Variants in JAKMIP1 observed in about 807,000 individuals in gnomAD.
The protein encoded by JAKMIP1 is janus kinase and microtubule interacting protein 1, also known as janus kinase and microtubule-interacting protein 1.
Under a neutral mutation model 113.0 loss-of-function variants are expected in JAKMIP1, and 33 were observed. The ratio of observed to expected loss-of-function variants is 0.29; its 90% CI spans 0.22 to 0.39. JAKMIP1 has a LOEUF of 0.39. Ranked by LOEUF, JAKMIP1 falls within the 10% of genes least tolerant of loss-of-function variation. The probability of loss-of-function intolerance (pLI) is 1.00; values close to 1 mark genes in which losing one functional copy is unlikely to be tolerated. For synonymous variants in JAKMIP1, 480 were observed against 459.9 expected (o/e 1.04, Z -0.56); for missense variants, 813 against 1,080.5 (o/e 0.75, Z 3.47).
intron 1 of JAKMIP1, among the ~76,000 whole-genome samples, chr4:6,146,849 C>G (rs1434780360): frequency 1.3e-5 from 2 of 152,186 alleles, no homozygotes; most frequent in Non-Finnish European, 2.9e-5. Flanking sequence ...CTACCGTACA[C>G]TTGAGGTGAC....
intron 2 of JAKMIP1, among the ~76,000 whole-genome samples, chr4:6,107,763 G>GTC (rs1474169638): frequency 6.6e-6 from 1 of 152,130 alleles, no homozygotes; most frequent in African/African-American, 2.4e-5. Flanking sequence ...GGGGGTGTGT[G>GTC]TGTGTGTGTC....
At chr4:6,173,660 A>G (rs929924241) in intron 1 of JAKMIP1, among the ~76,000 whole-genome samples, 5 of 152,164 alleles carry the variant, frequency 3.3e-5, no homozygotes, top group Non-Finnish European at 7.4e-5. Context: ...CCATTTTTCT[A>G]TCTATAAGGA....
At chr4:6,078,788 G>T (rs1386651907) in intron 8 of JAKMIP1, 151 bp downstream of exon 8, 5 of 672,856 alleles carry the variant, frequency 7.4e-6, no homozygotes, top group Non-Finnish European at 1.3e-5. Context: ...TTTGAGAGAC[G>T]GTGATGACAG....
In JAKMIP1 at chr4:6,185,524, T is replaced by A. The variant is rs544284232; in HGVS notation, c.-148+14729A>T. On this transcript the variant is annotated intron_variant, in intron 1 of 20. Coordinates refer to ENST00000409021, the MANE Select transcript of JAKMIP1 (RefSeq NM_001099433.2). This position sits in a 1 kb window ranked among gnomAD's most constrained non-coding sequence, Gnocchi z 5.3. ...TTAGCCGGGCGTGGTGGCAGACGCC[T>A]GTAGTCCCAGCTACTTGGGAGGCTG... 7.2e-5 allele frequency among the ~76,000 whole-genome samples: 11 copies of A among 152,342 alleles called. No individual in the cohort carries two copies. In the South Asian group the frequency reaches 2.1e-3, roughly 29 times the overall value.
intron 18 of JAKMIP1, among the ~76,000 whole-genome samples, chr4:6,037,817 C>T (rs969652768): frequency 5.8e-5 from 7 of 120,612 alleles, no homozygotes; most frequent in Admixed American, 3.8e-4. Flanking sequence ...AGAGGCTAAC[C>T]GGTAGCCCTC....
chr4:6,026,875 T>TA (rs1220447327), intron 20 of JAKMIP1, among the ~76,000 whole-genome samples: 1 of 150,952 alleles, frequency 6.6e-6, no homozygotes, highest in East Asian at 1.9e-4. Flanking sequence ...CATTTTTTTT[T>TA]TTTTTTTTTT....
rs2109033122 is a variant in JAKMIP1 at position 6,176,990 on chromosome 4, T to C, written c.-148+23263A>G. On this transcript the variant is annotated intron_variant, in intron 1 of 20. Transcript: ENST00000409021. The surrounding 1 kb of genome is among the most constrained non-coding windows in gnomAD (Gnocchi z 5.5). The stretch of plus-strand genomic sequence containing the variant: ...TGAGGCTGCAGTGAGCCATGATTTG[T>C]GCCACTGCACTCCAGCCTGGGTGAC... 6.6e-6 allele frequency among the ~76,000 whole-genome samples: 1 copy of C among 152,230 alleles called. No homozygotes were observed. Among genetic ancestry groups the C allele is most frequent in the Non-Finnish European group, 1.5e-5 (1 of 68,028 alleles).
intron 3 of JAKMIP1, among the ~76,000 whole-genome samples, chr4:6,101,570 G>A (rs1408739286): frequency 6.6e-6 from 1 of 151,864 alleles, no homozygotes; most frequent in Non-Finnish European, 1.5e-5. Flanking sequence ...TTTAGAATCT[G>A]CTTGCCGATG....
intron 1 of JAKMIP1, among the ~76,000 whole-genome samples, chr4:6,169,987 A>C (rs1441900973): frequency 6.8e-5 from 5 of 73,398 alleles, no homozygotes; most frequent in African/African-American, 2.9e-4. Context: ...CACTACCACC[A>C]CCACCACCAC....
At position 6,044,166 on chromosome 4, in the gene JAKMIP1, C is replaced by T. The variant is rs930277677; in HGVS notation, c.2029-1939G>A. ...CCCATGTCAGTCATCTTGTGAATGCCGGGTCGTAGCACTCACCTGACAGCG... is the reference window on the plus strand; with the variant it reads ...CCCATGTCAGTCATCTTGTGAATGCTGGGTCGTAGCACTCACCTGACAGCG... On this transcript the variant is annotated intron_variant, in intron 16 of 20. Coordinates refer to ENST00000409021, the MANE Select transcript of JAKMIP1 (RefSeq NM_001099433.2). This position sits in a 1 kb window ranked among gnomAD's most constrained non-coding sequence, Gnocchi z 4.4. 7.1e-6 allele frequency among the ~76,000 whole-genome samples: 1 copy of T among 141,272 alleles called. No homozygotes were observed. Among genetic ancestry groups the T allele is most frequent in the Non-Finnish European group, 1.5e-5 (1 of 67,230 alleles). 92.7% of individuals were successfully genotyped at this position (141,272 alleles called of 152,430 possible). A position where few individuals can be genotyped will look rare whatever the true frequency, so the allele number is the denominator to read the frequency against.
At chr4:6,028,270 G>A (rs976243677) in intron 20 of JAKMIP1, among the ~76,000 whole-genome samples, 10 of 152,218 alleles carry the variant, frequency 6.6e-5, no homozygotes, top group South Asian at 2.1e-4. Flanking sequence ...GCTGGTAGGC[G>A]TGGGCATCTG....
intron 19 of JAKMIP1, 40 bp from the exon 20 acceptor site, chr4:6,029,821 T>G: frequency 7.1e-7 from 1 of 1,407,866 alleles, no homozygotes. Flanking sequence ...AAGTAAGTTT[T>G]CCAGGTTTAA....
At chr4:6,036,950 ATCCCTCCATCACC>A (rs879807842) in intron 18 of JAKMIP1, among the ~76,000 whole-genome samples, 8,534 of 148,160 alleles carry the variant, frequency 0.058, 160 homozygotes, top group African/African-American at 0.12. Flanking sequence ...GCTAACCGGT[ATCCCTCCATCACC>A]GAGGCAGAGG....
intron 1 of JAKMIP1, among the ~76,000 whole-genome samples, chr4:6,130,347 C>G (rs1718325945): frequency 1.3e-5 from 2 of 152,250 alleles, no homozygotes. Flanking sequence ...TTGGATCCAT[C>G]AGACAACTGA....
chr4:6,086,317 C>T lies in JAKMIP1; in HGVS notation c.625-688G>A, dbSNP rs561666485. Among the ~76,000 whole-genome samples, 3 of 152,212 alleles carry T rather than the reference C, an allele frequency of 2.0e-5. No individual in the cohort carries two copies. The highest frequency in any genetic ancestry group is 2.1e-4 in the South Asian group (1 of 4,808). On this transcript the variant is annotated intron_variant, in intron 3 of 20. Coordinates refer to ENST00000409021, the MANE Select transcript of JAKMIP1 (RefSeq NM_001099433.2). This position sits in a 1 kb window ranked among gnomAD's most constrained non-coding sequence, Gnocchi z 4.1. The stretch of plus-strand genomic sequence containing the variant: ...CTCTCCCAGGCAGCCAGGTCCTCCC[C>T]GACGGTATCAACCCCACATATGCAG...
Position 6,060,467 on chromosome 4 carries a change from G to T in JAKMIP1, c.1601C>A (p.Ala534Asp). ...QLQADLLRCQ[A>D]KIEDLEKLLV... ...TAACTTCTCCAAATCTTCGATTTTG[G>T]CCTGACACCTCAGCAGATCAGCTTG... is the stretch of plus-strand genomic sequence containing the variant. Residue 534 changes from alanine (A) to aspartate (D), a missense_variant, in exon 11 of 21, where the codon GCC (alanine) becomes GAC (aspartate). Ala to Asp is a moderately radical substitution (Grantham distance 126). Around this residue, in one of 2 missense-constraint regions of JAKMIP1, gnomAD observed 273 missense variants for 426.6 expected, o/e 0.64. Coordinates refer to ENST00000409021, the MANE Select transcript of JAKMIP1 (RefSeq NM_001099433.2). 6.2e-7 allele frequency: 1 copy of T among 1,614,102 alleles called. No individual in the cohort carries two copies. The highest frequency in any genetic ancestry group is 8.5e-7 in the Non-Finnish European group (1 of 1,179,990).
chr4:6,116,451 A>G lies in JAKMIP1; in HGVS notation c.-147-3454T>C, dbSNP rs1170245947. 6.6e-6 allele frequency among the ~76,000 whole-genome samples: 1 copy of G among 152,136 alleles called. No homozygotes were observed. Among genetic ancestry groups the G allele is most frequent in the East Asian group, 1.9e-4 (1 of 5,174 alleles). ...AGGCTGGAGGATGACTGCTCAGGAC[A>G]CACAGGAGGCGGAGTCCTCAGAGAA... On this transcript the variant is annotated intron_variant, in intron 1 of 20. Transcript: ENST00000409021. This position sits in a 1 kb window ranked among gnomAD's most constrained non-coding sequence, Gnocchi z 5.1.
chr4:6,048,687 A>G (rs1459215552), intron 16 of JAKMIP1, among the ~76,000 whole-genome samples, 170 bp downstream of exon 16: 1 of 152,246 alleles, frequency 6.6e-6, no homozygotes, highest in Non-Finnish European at 1.5e-5. Context: ...TACAGTGAGC[A>G]TGTGGGACTT....
chr4:6,170,265 CCACCACCACCAT>C (rs1261854722), intron 1 of JAKMIP1, among the ~76,000 whole-genome samples: 21 of 148,222 alleles, frequency 1.4e-4, no homozygotes, highest in South Asian at 2.2e-4. Context: ...CTTCTCACCA[CCACCACCACCAT>C]CACCACCACC....
Sources: gnomAD v4.1 joint callset for allele counts (sites outside exome capture counted in the v4.1 genomes callset) on GRCh38, gnomAD v4.1.1 for gene constraint, gnomAD v4.1.1 regional missense constraint, Gnocchi (gnomAD v3.1) non-coding constraint, MANE v1.5 for transcripts, NCBI Gene and HGNC (gene_info 2026-07-23, HGNC 2026-07-21) for gene names.